The following NAV3 variants were observed in gnomAD, a reference collection of about 807,000 sequenced individuals.
The protein encoded by NAV3 is neuron navigator 3.
In NAV3, 87 loss-of-function variants were observed where a neutral mutation model predicts 244.7. The observed-to-expected ratio is 0.36, with a 90% CI of 0.30 to 0.42. The LOEUF (loss-of-function observed/expected upper bound fraction) is 0.42, where lower values mean the gene tolerates loss of function less well. NAV3 is among the 20% of genes least tolerant of loss of function. The pLI is 1.00. For synonymous variants in NAV3, 1,126 were observed against 1,042.2 expected (o/e 1.08, Z -1.55); for missense variants, 2,663 against 2,893.3 (o/e 0.92, Z 1.83).
chr12:78,062,944 G>T (rs1884516968), intron 12 of NAV3, among the ~76,000 whole-genome samples: 1 of 152,086 alleles, frequency 6.6e-6, no homozygotes, highest in South Asian at 2.1e-4. Flanking sequence ...TAAAAGCTGT[G>T]TAAGTGCAAA....
intron 8 of NAV3, among the ~76,000 whole-genome samples, chr12:78,015,006 A>G (rs1222209195): frequency 6.6e-6 from 1 of 152,110 alleles, no homozygotes; most frequent in Admixed American, 6.6e-5. Flanking sequence ...GAATATGAAC[A>G]CACTGCTAGA....
intron 2 of NAV3, among the ~76,000 whole-genome samples, chr12:77,809,675 TGA>T (rs1872185699): frequency 6.6e-6 from 1 of 152,080 alleles, no homozygotes; most frequent in Admixed American, 6.5e-5. Context: ...AACCTGAGGA[TGA>T]GTTAGTCTTT....
intron 1 of NAV3, among the ~76,000 whole-genome samples, chr12:77,918,939 C>T (rs1887437528): frequency 6.6e-6 from 1 of 151,960 alleles, no homozygotes; most frequent in African/African-American, 2.4e-5. Flanking sequence ...TAGTCTATAT[C>T]ATTATAGGAA....
chr12:77,672,774 C>T (rs535153234), intron 2 of NAV3, among the ~76,000 whole-genome samples: 85 of 151,384 alleles, frequency 5.6e-4, no homozygotes, highest in Admixed American at 5.3e-3. Context: ...TCAGAAATCA[C>T]GACTAAAGAA....
chr12:77,878,810 G>A (rs965804305), intron 1 of NAV3, among the ~76,000 whole-genome samples: 3 of 150,934 alleles, frequency 2.0e-5, no homozygotes, highest in Non-Finnish European at 2.9e-5. Flanking sequence ...CGTTCCCATC[G>A]TATTTACTCT....
At chr12:78,028,808 G>C (rs959733655) in intron 9 of NAV3, among the ~76,000 whole-genome samples, 17 of 152,248 alleles carry the variant, frequency 1.1e-4, no homozygotes, top group African/African-American at 3.6e-4. Context: ...TCATTGTCTA[G>C]CTGAAATTAT....
chr12:77,590,738 T>C (rs888659959), intron 2 of NAV3, among the ~76,000 whole-genome samples: 3 of 152,222 alleles, frequency 2.0e-5, no homozygotes, highest in African/African-American at 2.4e-5. Context: ...AGTTTATATA[T>C]AAAAGCTTAA....
intron 9 of NAV3, among the ~76,000 whole-genome samples, chr12:78,045,961 G>C (rs1881716138): frequency 6.6e-6 from 1 of 152,148 alleles, no homozygotes; most frequent in South Asian, 2.1e-4. Flanking sequence ...TTAGTCTTGG[G>C]AGGGTGTATG....
chr12:77,780,841 A>G lies in NAV3; in HGVS notation c.73-159478A>G, dbSNP rs533264646. 2.6e-5 allele frequency among the ~76,000 whole-genome samples: 4 copies of G among 152,154 alleles called. No homozygotes were observed. The South Asian group carries it at 8.3e-4, about 32-fold the overall frequency. ...AGGTCAGAGGCCTGTAGGGGAAGAA[A>G]CCTGTGTAAAATTTAGCCAAGCTGA... On this transcript the variant is annotated intron_variant, in intron 2 of 8. Transcript: ENST00000550042.
At chr12:77,614,348 C>T (rs540088312) in intron 2 of NAV3, among the ~76,000 whole-genome samples, 2 of 152,114 alleles carry the variant, frequency 1.3e-5, no homozygotes, top group South Asian at 4.1e-4. Context: ...ACAACCTCTT[C>T]AACAGACAGC....
intron 12 of NAV3, among the ~76,000 whole-genome samples, chr12:78,061,607 T>G (rs1421845727): frequency 1.3e-5 from 2 of 152,116 alleles, no homozygotes; most frequent in Non-Finnish European, 2.9e-5. Context: ...GAAGGTCTTT[T>G]AAAATCTTAT....
intron 5 of NAV3, among the ~76,000 whole-genome samples, chr12:77,972,146 C>T (rs1276732496): frequency 2.6e-5 from 4 of 152,078 alleles, no homozygotes; most frequent in African/African-American, 9.7e-5. Context: ...GTGTATGTAT[C>T]TATAGGTGCA....
intron 1 of NAV3, among the ~76,000 whole-genome samples, chr12:77,847,130 C>G (rs41487648): frequency 6.6e-6 from 1 of 152,134 alleles, no homozygotes; most frequent in African/African-American, 2.4e-5. Flanking sequence ...GTAAGACAGA[C>G]AGGATGTGGT....
chr12:77,599,243 CT>C (rs1423145605), intron 2 of NAV3, among the ~76,000 whole-genome samples: 3 of 151,934 alleles, frequency 2.0e-5, no homozygotes, highest in Non-Finnish European at 4.4e-5. Flanking sequence ...TCCATTGATA[CT>C]ATCTATATTA....
chr12:78,089,777 C>G (rs527367592), intron 12 of NAV3, among the ~76,000 whole-genome samples: 1 of 152,210 alleles, frequency 6.6e-6, no homozygotes. Flanking sequence ...TCCTTTGACA[C>G]TGCGTCTAAC....
intron 1 of NAV3, among the ~76,000 whole-genome samples, chr12:77,899,947 G>A (rs372454410): frequency 2.0e-5 from 3 of 152,098 alleles, no homozygotes; most frequent in South Asian, 4.1e-4. Flanking sequence ...TATTGTGTGA[G>A]GCTGAGGTTT....
chr12:77,690,808 T>C (rs1442442184), intron 2 of NAV3, among the ~76,000 whole-genome samples: 33 of 1,248 alleles, frequency 0.026, no homozygotes, highest in Admixed American at 0.18. Context: ...AGAATAATAT[T>C]CACTCAAAAA....
intron 3 of NAV3, chr12:77,950,524 A>G (rs941766735): frequency 6.6e-6 from 1 of 152,196 alleles, no homozygotes; most frequent in South Asian, 2.1e-4. Context: ...TGCCATCCCC[A>G]TCAAGCTACC....
chr12:77,761,896 A>G (rs921131097), intron 2 of NAV3, among the ~76,000 whole-genome samples: 1 of 152,216 alleles, frequency 6.6e-6, no homozygotes, highest in African/African-American at 2.4e-5. Context: ...AGAACCAGAA[A>G]TACCATTTGA....
Sources: allele counts gnomAD v4.1 joint callset (sites outside exome capture counted in the v4.1 genomes callset), GRCh38; gene constraint gnomAD v4.1.1; transcripts MANE v1.5; gene names NCBI Gene and HGNC (gene_info 2026-07-23, HGNC 2026-07-21).